Variants in UTRN observed in about 807,000 individuals in gnomAD.
UTRN encodes utrophin, also known as dystrophin-related protein 1.
UTRN carries 283 observed loss-of-function variants against 463.9 expected under a neutral mutation model. The ratio of observed to expected loss-of-function variants is 0.61; its 90% CI spans 0.55 to 0.67. The LOEUF is 0.67. UTRN is among the 30% of genes least tolerant of loss of function. UTRN has a pLI of 0.00. For missense variants in UTRN, 3,922 were observed against 4,084.3 expected, an observed-to-expected ratio of 0.96 and a Z score of 1.08; for synonymous variants, 1,442 against 1,431.5, an observed-to-expected ratio of 1.01 and a Z score of -0.17.
At chr6:144,657,747 T>G (rs1370529383) in intron 51 of UTRN, among the ~76,000 whole-genome samples, 1 of 152,248 alleles carries the variant, frequency 6.6e-6, no homozygotes, top group East Asian at 1.9e-4. Flanking sequence ...TTCACCCTTC[T>G]GATCTGTGCA....
intron 53 of UTRN, among the ~76,000 whole-genome samples, chr6:144,702,299 G>T (rs1206464718): frequency 1.3e-5 from 2 of 152,136 alleles, no homozygotes; most frequent in African/African-American, 4.8e-5. Flanking sequence ...GTTGTGTTTT[G>T]CTCTATCTTA....
intron 2 of UTRN, among the ~76,000 whole-genome samples, chr6:144,292,275 T>G (rs2114510835): frequency 6.6e-6 from 1 of 152,332 alleles, no homozygotes. Flanking sequence ...GCAGGAAAGA[T>G]CTTTCACAGT....
At chr6:144,668,252 C>T (rs1304346547) in intron 51 of UTRN, among the ~76,000 whole-genome samples, 1 of 151,986 alleles carries the variant, frequency 6.6e-6, no homozygotes, top group Non-Finnish European at 1.5e-5. Context: ...TGCAAAAGGC[C>T]CTTCCTTGGG....
chr6:144,382,144 GTCTTCTTTTA>G (rs1415646920), intron 2 of UTRN, among the ~76,000 whole-genome samples: 1 of 152,132 alleles, frequency 6.6e-6, no homozygotes, highest in Non-Finnish European at 1.5e-5. Context: ...CCACATGTAT[GTCTTCTTTTA>G]TTTAAAGCAA....
chr6:144,595,858 C>A (rs367661719), intron 51 of UTRN, among the ~76,000 whole-genome samples: 3 of 152,054 alleles, frequency 2.0e-5, no homozygotes, highest in African/African-American at 7.2e-5. Flanking sequence ...TAGTGAATAA[C>A]CTGAATTAAT....
At chr6:144,622,582 A>G (rs1236160605) in intron 51 of UTRN, among the ~76,000 whole-genome samples, 2 of 152,214 alleles carry the variant, frequency 1.3e-5, no homozygotes, top group African/African-American at 4.8e-5. Flanking sequence ...TCATGTGATA[A>G]GAAAAATATA....
intron 61 of UTRN, among the ~76,000 whole-genome samples, chr6:144,782,448 A>T (rs1210666201): frequency 6.6e-6 from 1 of 152,156 alleles, no homozygotes; most frequent in South Asian, 2.1e-4. Flanking sequence ...AATGTCTCAC[A>T]GTATTTCTTT....
At chr6:144,490,412 A>G (rs975849592) in intron 31 of UTRN, among the ~76,000 whole-genome samples, 1 of 152,164 alleles carries the variant, frequency 6.6e-6, no homozygotes, top group African/African-American at 2.4e-5. Flanking sequence ...GATAGCTGAG[A>G]TGAGAAACAA....
chr6:144,592,510 A>G (rs988365180), intron 51 of UTRN, among the ~76,000 whole-genome samples: 5 of 152,116 alleles, frequency 3.3e-5, no homozygotes, highest in South Asian at 2.1e-4. Context: ...AGCTGGGACT[A>G]CAGGCGTGCA....
chr6:144,480,005 C>A, intron 26 of UTRN, 23 bp downstream of exon 26: 1 of 1,606,702 alleles, frequency 6.2e-7, no homozygotes, highest in Non-Finnish European at 8.5e-7. Context: ...CGACCAGTGC[C>A]AACAGGCTTC....
intron 52 of UTRN, among the ~76,000 whole-genome samples, chr6:144,692,043 A>G (rs1338408359): frequency 6.6e-6 from 1 of 152,018 alleles, no homozygotes; most frequent in East Asian, 1.9e-4. Flanking sequence ...CCCTCCTCCC[A>G]TCTTCCATCC....
intron 51 of UTRN, among the ~76,000 whole-genome samples, chr6:144,638,582 G>A (rs6570638): frequency 1 from 152,307 of 152,314 alleles, 76,150 homozygotes; most frequent in Middle Eastern, 1. Context: ...ATTTCATAGT[G>A]ATACAACATC....
intron 6 of UTRN, among the ~76,000 whole-genome samples, chr6:144,425,400 T>G (rs940827395): frequency 6.6e-6 from 1 of 152,226 alleles, no homozygotes; most frequent in African/African-American, 2.4e-5. Context: ...GACTACCCTT[T>G]GTTATTAAAA....
intron 2 of UTRN, among the ~76,000 whole-genome samples, chr6:144,368,531 G>A (rs1157320321): frequency 6.6e-6 from 1 of 152,130 alleles, no homozygotes; most frequent in Non-Finnish European, 1.5e-5. Flanking sequence ...CAGCGCTTTG[G>A]GAGGCCGAGG....
At chr6:144,703,147 G>C (rs963600033) in intron 53 of UTRN, among the ~76,000 whole-genome samples, 1 of 152,118 alleles carries the variant, frequency 6.6e-6, no homozygotes, top group African/African-American at 2.4e-5. Context: ...ATTTGCTGAT[G>C]GATTAGATGT....
chr6:144,704,940 G>A (rs1433341849), intron 53 of UTRN, among the ~76,000 whole-genome samples: 2 of 152,034 alleles, frequency 1.3e-5, no homozygotes, highest in East Asian at 3.8e-4. Context: ...CCAGCCTGGC[G>A]ACACAGTGAG....
chr6:144,541,512 C>T (rs777869368), intron 45 of UTRN, among the ~76,000 whole-genome samples: 1 of 152,144 alleles, frequency 6.6e-6, no homozygotes, highest in African/African-American at 2.4e-5. Context: ...ATGTCTAAGA[C>T]CAACAATGCT....
At chr6:144,650,769 T>G (rs1778734965) in intron 51 of UTRN, among the ~76,000 whole-genome samples, 1 of 151,934 alleles carries the variant, frequency 6.6e-6, no homozygotes, top group Admixed American at 6.6e-5. Context: ...ATTAGCCAGG[T>G]GTGGTGGCAC....
chr6:144,361,983 T>A (rs1345707550), intron 2 of UTRN, among the ~76,000 whole-genome samples: 3 of 152,024 alleles, frequency 2.0e-5, no homozygotes, highest in Non-Finnish European at 1.5e-5. Flanking sequence ...ACTTTCTTAC[T>A]TAAAAGAATA....
Sources: allele counts gnomAD v4.1 joint callset (sites outside exome capture counted in the v4.1 genomes callset), GRCh38; gene constraint gnomAD v4.1.1; transcripts MANE v1.5; gene names NCBI Gene and HGNC (gene_info 2026-07-23, HGNC 2026-07-21).